Variants in ERBB4 observed in about 807,000 individuals in gnomAD.
ERBB4 encodes erb-b2 receptor tyrosine kinase 4, also known as receptor tyrosine-protein kinase erbB-4.
Under a neutral mutation model 158.0 loss-of-function variants are expected in ERBB4, and 42 were observed. The ratio of observed to expected loss-of-function variants is 0.27; its 90% CI spans 0.21 to 0.34. The LOEUF (loss-of-function observed/expected upper bound fraction) is 0.34. ERBB4 is among the 10% of genes least tolerant of loss of function. The probability of loss-of-function intolerance (pLI) is 1.00; values close to 1 mark genes in which losing one functional copy is unlikely to be tolerated. For missense variants in ERBB4, 1,333 were observed against 1,624.1 expected (o/e 0.82, Z 3.08); for synonymous variants, 583 against 558.7 (o/e 1.04, Z -0.61).
chr2:212,228,233 T>C (rs1246704110), intron 1 of ERBB4, among the ~76,000 whole-genome samples: 2 of 152,134 alleles, frequency 1.3e-5, no homozygotes, highest in African/African-American at 4.8e-5. Flanking sequence ...GTATAGATAA[T>C]CATCTAAAAA....
intron 12 of ERBB4, among the ~76,000 whole-genome samples, chr2:211,689,300 TC>T (rs2072703030): frequency 6.6e-6 from 1 of 152,162 alleles, no homozygotes; most frequent in Admixed American, 6.5e-5. Context: ...GCTCAAGTGA[TC>T]CTTCCACCTT....
chr2:211,574,686 T>G (rs2067839212), intron 19 of ERBB4, among the ~76,000 whole-genome samples: 1 of 152,236 alleles, frequency 6.6e-6, no homozygotes, highest in Non-Finnish European at 1.5e-5. Flanking sequence ...AGAACTAGAA[T>G]AAATCATTCC....
rs148401274 is a variant in ERBB4, at chr2:212,439,510, CT to C, written c.82+98938del. ...ACCTTTCTCCCCATGAAAAAAAAATCTACACATTCAGGTTACTAAGGTATGA... is the reference window on the plus strand; with the variant it reads ...ACCTTTCTCCCCATGAAAAAAAAATCACACATTCAGGTTACTAAGGTATGA... On this transcript the variant is annotated intron_variant, in intron 1 of 27. Coordinates refer to ENST00000342788, the MANE Select transcript of ERBB4 (RefSeq NM_005235.3). 1.3e-4 allele frequency among the ~76,000 whole-genome samples: 20 copies of C among 152,140 alleles called. No homozygotes were observed. In the East Asian group the frequency reaches 3.9e-3, roughly 29 times the overall value.
intron 1 of ERBB4, 101 bp downstream of exon 1, chr2:212,538,348 C>G (rs1381031479): frequency 9.4e-7 from 1 of 1,063,136 alleles, no homozygotes; most frequent in African/African-American, 1.6e-5. Context: ...CAAGCGGTCC[C>G]TCCACGCCTC....
intron 1 of ERBB4, among the ~76,000 whole-genome samples, chr2:212,177,972 G>C (rs1342185912): frequency 6.6e-6 from 1 of 151,764 alleles, no homozygotes; most frequent in African/African-American, 2.4e-5. Context: ...GTGTGTGTGT[G>C]TGTGTGTGTT....
At chr2:211,562,477 G>C (rs1354570855) in intron 19 of ERBB4, among the ~76,000 whole-genome samples, 5 of 152,082 alleles carry the variant, frequency 3.3e-5, no homozygotes, top group Non-Finnish European at 5.9e-5. Context: ...TACAAATTTA[G>C]TTAGTTGCAG....
rs1377367174 is a variant in ERBB4 at position 212,015,097 on chromosome 2, T to A, written c.235-67481A>T. Among the ~76,000 whole-genome samples the A allele has an allele frequency of 1.1e-4, 8 of 71,348 alleles. 1 individual carries two copies. The highest frequency in any genetic ancestry group is 6.5e-4 in the East Asian group (2 of 3,096). The allele number at this position is 71,348 out of a possible 152,430, so 46.8% of individuals were successfully genotyped here. On this transcript the variant is annotated intron_variant, in intron 2 of 27. Transcript: ENST00000342788. The stretch of plus-strand genomic sequence containing the variant: ...ATATATATATATATATATATATATA[T>A]ATATATATATATATAAAAATTAGCC...
intron 7 of ERBB4, among the ~76,000 whole-genome samples, chr2:211,721,443 C>CAAAAAAAAA (rs71054136): frequency 0.044 from 2,364 of 54,310 alleles, 522 homozygotes; most frequent in African/African-American, 0.12. Context: ...TTACTCAAAG[C>CAAAAAAAAA]AAAAAAAAAA....
chr2:211,491,516 T>A (rs1055452911), intron 20 of ERBB4, among the ~76,000 whole-genome samples: 9 of 152,094 alleles, frequency 5.9e-5, no homozygotes, highest in African/African-American at 2.2e-4. Context: ...AGGGTATCAA[T>A]TTATTATGTT....
intron 4 of ERBB4, among the ~76,000 whole-genome samples, chr2:211,764,983 A>G (rs1416827267): frequency 6.6e-6 from 1 of 152,184 alleles, no homozygotes; most frequent in East Asian, 1.9e-4. Context: ...ATTTACCAAA[A>G]TCTTTGATGT....
intron 1 of ERBB4, among the ~76,000 whole-genome samples, chr2:212,336,136 C>T (rs2106307779): frequency 6.6e-6 from 1 of 152,028 alleles, no homozygotes; most frequent in Non-Finnish European, 1.5e-5. Flanking sequence ...ATTAAATTAG[C>T]ATTAAATTCG....
intron 1 of ERBB4, among the ~76,000 whole-genome samples, chr2:212,145,030 T>C (rs935016586): frequency 2.0e-5 from 3 of 152,224 alleles, no homozygotes; most frequent in Non-Finnish European, 4.4e-5. Context: ...AATGTTTACT[T>C]TGCAGCCTTC....
intron 20 of ERBB4, among the ~76,000 whole-genome samples, chr2:211,464,575 T>C (rs2064625373): frequency 6.6e-6 from 1 of 152,096 alleles, no homozygotes; most frequent in African/African-American, 2.4e-5. Flanking sequence ...GTCAAATCAT[T>C]TGAGGATTCA....
intron 1 of ERBB4, among the ~76,000 whole-genome samples, chr2:212,399,967 A>T (rs1034275382): frequency 1.1e-4 from 17 of 152,156 alleles, no homozygotes; most frequent in Non-Finnish European, 1.3e-4. Context: ...TTGAGAGTCT[A>T]TGGGGGCGGA....
chr2:212,100,477 G>C (rs1365592590), intron 2 of ERBB4, among the ~76,000 whole-genome samples: 1 of 152,154 alleles, frequency 6.6e-6, no homozygotes, highest in Non-Finnish European at 1.5e-5. Context: ...CATTCTCATT[G>C]ATAGTTTACA....
chr2:211,960,808 GC>G (rs909400588), intron 2 of ERBB4: 4 of 151,860 alleles, frequency 2.6e-5, no homozygotes, highest in Admixed American at 2.0e-4. Flanking sequence ...TCTCCCAAAG[GC>G]CCCACCTCCA....
chr2:212,221,189 T>C (rs773664967), intron 1 of ERBB4, among the ~76,000 whole-genome samples: 2 of 151,484 alleles, frequency 1.3e-5, no homozygotes, highest in Non-Finnish European at 3.0e-5. Flanking sequence ...GAGTTTATAG[T>C]GTTAGGGGCC....
At chr2:211,484,449 C>T (rs1401408409) in intron 20 of ERBB4, among the ~76,000 whole-genome samples, 1 of 152,000 alleles carries the variant, frequency 6.6e-6, no homozygotes, top group East Asian at 1.9e-4. Flanking sequence ...ACTTCTATAT[C>T]CTGCCTACAA....
At chr2:211,551,530 C>G (rs76758214) in intron 20 of ERBB4, among the ~76,000 whole-genome samples, 1 of 152,002 alleles carries the variant, frequency 6.6e-6, no homozygotes, top group East Asian at 1.9e-4. Flanking sequence ...ATTCAAACAA[C>G]TGGTATTCAC....
Sources: allele counts gnomAD v4.1 joint callset (sites outside exome capture counted in the v4.1 genomes callset), GRCh38; gene constraint gnomAD v4.1.1; transcripts MANE v1.5; gene names NCBI Gene and HGNC (gene_info 2026-07-23, HGNC 2026-07-21).